Variants in ZNF273 observed in about 807,000 individuals in gnomAD.
ZNF273 encodes zinc finger protein 273, also known as zinc finger protein 9.
In ZNF273, 11 loss-of-function variants were observed where a neutral mutation model predicts 14.9. The observed-to-expected ratio is 0.74, with a 90% CI of 0.46 to 1.22. The LOEUF is 1.22. Ranked by LOEUF, ZNF273 falls within the 50% of genes most tolerant of loss-of-function variation. ZNF273 has a pLI of 0.00. For synonymous variants in ZNF273, 199 were observed against 223.9 expected, an observed-to-expected ratio of 0.89 and a Z score of 0.99; for missense variants, 577 against 660.6, an observed-to-expected ratio of 0.87 and a Z score of 1.39.
chr7:64,905,853 T>G (rs1037094418), intron 1 of ZNF273, among the ~76,000 whole-genome samples: 1 of 152,222 alleles, frequency 6.6e-6, no homozygotes, highest in Non-Finnish European at 1.5e-5. Context: ...TTCTTCACTT[T>G]TTTTGACTTC....
In ZNF273 at chr7:64,928,181, A is replaced by G. The variant is rs774544290; in HGVS notation, c.853A>G (p.Thr285Ala). Residue 285 changes from threonine (T) to alanine (A), a missense_variant, in exon 4 of 4, where the codon ACT becomes GCT. By Grantham distance (58) the Thr-to-Ala change is moderately conservative. Coordinates refer to ENST00000476120, the MANE Select transcript of ZNF273 (RefSeq NM_021148.3). ...LTLTKHKKIH[T>A]EEKPYKCEDC... ...TCTTACTAAACATAAAAAAATTCAT[A>G]CTGAAGAGAAACCTTACAAATGTGA... is the stretch of plus-strand genomic sequence containing the variant. The G allele has an allele frequency of 4.3e-6, 7 of 1,613,342 alleles. No individual in the cohort carries two copies. The highest frequency in any genetic ancestry group is 4.2e-6 in the Non-Finnish European group (5 of 1,179,756).
the ZNF273 span, among the ~76,000 whole-genome samples, chr7:64,936,886 G>A: frequency 6.6e-6 from 1 of 152,208 alleles, no homozygotes; most frequent in South Asian, 2.1e-4. Context: ...CATTGAAATA[G>A]AGAAGAAAGG....
chr7:64,889,240 C>A, downstream of ZNF273: 2 of 985,646 alleles, frequency 2.0e-6, no homozygotes, highest in Non-Finnish European at 2.4e-6. The surrounding 1 kb of genome is among the most constrained non-coding windows in gnomAD (Gnocchi z 4.2). Flanking sequence ...TGTTCCTTGG[C>A]CCCGCTCCCC....
intron 1 of ZNF273, among the ~76,000 whole-genome samples, chr7:64,904,187 C>T (rs1169362402): frequency 6.6e-6 from 1 of 152,170 alleles, no homozygotes; most frequent in African/African-American, 2.4e-5. Flanking sequence ...CTCCCGGGTT[C>T]ATGCAATTCT....
At chr7:64,916,369 G>GCAA (rs762863213) in intron 1 of ZNF273, among the ~76,000 whole-genome samples, 32,658 of 134,576 alleles carry the variant, frequency 0.24, 4,630 homozygotes, top group Admixed American at 0.31. Flanking sequence ...TACTAAAAAT[G>GCAA]TAAAAAAAAA....
intron 1 of ZNF273, among the ~76,000 whole-genome samples, chr7:64,905,850 C>G (rs1038068830): frequency 2.0e-5 from 3 of 152,064 alleles, no homozygotes; most frequent in African/African-American, 7.2e-5. Context: ...GATTTCTTCA[C>G]TTTTTTTGAC....
upstream of ZNF273, among the ~76,000 whole-genome samples, chr7:64,901,471 AC>A (rs1792709169): frequency 6.6e-6 from 1 of 152,198 alleles, no homozygotes; most frequent in Admixed American, 6.5e-5. Context: ...CCAGAGGCTG[AC>A]CATTCACTGC....
At chr7:64,898,954 C>A (rs1200663453), upstream of ZNF273, among the ~76,000 whole-genome samples, 1 of 150,010 alleles carries the variant, frequency 6.7e-6, no homozygotes, top group Admixed American at 6.6e-5. Flanking sequence ...AAAAATAAAT[C>A]TTTTGTTAAC....
At chr7:64,924,407 A>G (rs1014683719) in intron 3 of ZNF273, 1 of 152,166 alleles carries the variant, frequency 6.6e-6, no homozygotes, top group African/African-American at 2.4e-5. Context: ...ACTATAGAAA[A>G]TGGGATATTA....
At chr7:64,922,519 C>T (rs1794544370) in intron 3 of ZNF273, among the ~76,000 whole-genome samples, 1 of 151,692 alleles carries the variant, frequency 6.6e-6, no homozygotes, top group South Asian at 2.1e-4. Context: ...ATCATGTTGG[C>T]CGGGCTGGTC....
rs563057403 is a variant in ZNF273, at chr7:64,924,120, T to C, written c.326-3534T>C. The stretch of plus-strand genomic sequence containing the variant: ...GCATGCTAAAGAATGTGGTTTAATT[T>C]ACTATATATTTGTAAACTTGTTAGC... On this transcript the variant is annotated intron_variant, in intron 3 of 3. Transcript: ENST00000476120. 3 of 151,190 alleles carry C rather than the reference T, an allele frequency of 2.0e-5. No homozygotes were observed. The South Asian group carries it at 6.3e-4, about 32-fold the overall frequency. The allele number at this position is 151,190 out of a possible 1,614,324, so 9.4% of individuals were successfully genotyped here.
chr7:64,918,221 T>G lies in ZNF273; in HGVS notation c.254T>G (p.Leu85Arg), dbSNP rs1794152076. 1 of 1,567,346 alleles carries G rather than the reference T, an allele frequency of 6.4e-7. No homozygotes were observed. The highest frequency in any genetic ancestry group is 1.7e-5 in the Admixed American group (1 of 58,402). The part of the protein sequence containing the change: ...FLGIAVSKPD[L>R]ITCLEQGKEP... ...GGTATTGCTGTCTCTAAGCCAGACCTGATCACTTGTCTGGAGCAAGGAAAA... is the reference window on the plus strand; with the variant it reads ...GGTATTGCTGTCTCTAAGCCAGACCGGATCACTTGTCTGGAGCAAGGAAAA... Residue 85 changes from leucine (L) to arginine (R), a missense_variant, in exon 3 of 4, where the codon CTG (leucine) becomes CGG (arginine). Physicochemically the swap from Leu to Arg is moderately radical, Grantham distance 102. Around this residue, in one of 3 missense-constraint regions of ZNF273, gnomAD observed 162 missense variants for 203.5 expected, o/e 0.80. Transcript: ENST00000476120.
In ZNF273 at chr7:64,930,054, G is replaced by A. The variant is rs1340200890; in HGVS notation, c.*1016G>A. 1 of 152,108 alleles carries A rather than the reference G, an allele frequency of 6.6e-6. No individual in the cohort carries two copies. The highest frequency in any genetic ancestry group is 2.4e-5 in the African/African-American group (1 of 41,422). The allele number at this position is 152,108 out of a possible 1,614,324, so 9.4% of individuals were successfully genotyped here. A position where few individuals can be genotyped will look rare whatever the true frequency, so the allele number is the denominator to read the frequency against. On this transcript the variant is annotated 3_prime_UTR_variant, in exon 4 of 4. Transcript: ENST00000476120. ...AATTTTTGTGGTTTTAGTAGAGACAGGGTTTCTCCATGTTGGTCAGTCTGG... is the reference window on the plus strand; with the variant it reads ...AATTTTTGTGGTTTTAGTAGAGACAAGGTTTCTCCATGTTGGTCAGTCTGG...
downstream of ZNF273, chr7:64,889,664 C>T: frequency 1.0e-6 from 1 of 985,926 alleles, no homozygotes; most frequent in Non-Finnish European, 1.2e-6. This position sits in a 1 kb window ranked among gnomAD's most constrained non-coding sequence, Gnocchi z 4.2. Flanking sequence ...TGTTCTGGAA[C>T]CGTCGCCCTG....
Position 64,918,263 on chromosome 7 carries a change from A to G in ZNF273, c.296A>G (p.Lys99Arg). The change falls in exon 3 of 4, where the codon AAG (lysine) becomes AGG (arginine). Residue 99 changes from lysine (K) to arginine (R), a missense_variant. Lys to Arg is a conservative substitution (Grantham distance 26). This residue lies in a region of ZNF273 where 162 missense variants were observed against 203.5 expected (regional missense o/e 0.80). Transcript: ENST00000476120. ...CAAGGAAAAGAGCCCTGCAATATGAAGAGACATGCGATGGTAGCCAAACCC... is the reference window on the plus strand; with the variant it reads ...CAAGGAAAAGAGCCCTGCAATATGAGGAGACATGCGATGGTAGCCAAACCC... ...LEQGKEPCNMKRHAMVAKPPV... is the reference protein window; with the variant it reads ...LEQGKEPCNMRRHAMVAKPPV... 6.4e-7 allele frequency: 1 copy of G among 1,568,672 alleles called. No homozygotes were observed. Among genetic ancestry groups the G allele is most frequent in the Non-Finnish European group, 8.7e-7 (1 of 1,153,476 alleles).
intron 1 of ZNF273, among the ~76,000 whole-genome samples, chr7:64,914,925 C>CTTT (rs35818236): frequency 0.033 from 4,442 of 133,336 alleles, 131 homozygotes; most frequent in South Asian, 0.11. Flanking sequence ...AAAAAATGGC[C>CTTT]TTTTTTTTTT....
intron 1 of ZNF273, among the ~76,000 whole-genome samples, chr7:64,916,542 C>CAA (rs10712527): frequency 2.0e-3 from 167 of 83,400 alleles, no homozygotes; most frequent in African/African-American, 2.4e-3. Flanking sequence ...AAAACTGTCT[C>CAA]AAAAAAAAAA....
exon 1 of ZNF273, chr7:64,877,702 A>T (rs557920480): frequency 6.6e-6 from 1 of 152,420 alleles, no homozygotes; most frequent in East Asian, 1.9e-4. Flanking sequence ...TGAAGGATCC[A>T]TGGGATAGTC....
intron 1 of ZNF273, among the ~76,000 whole-genome samples, chr7:64,912,827 T>TTTTTTGTTG (rs796732800): frequency 8.7e-5 from 4 of 45,976 alleles, no homozygotes; most frequent in African/African-American, 2.5e-4. Flanking sequence ...TTCATTTTAG[T>TTTTTTGTTG]TTTTTTTTTT....
Sources: allele counts gnomAD v4.1 joint callset (sites outside exome capture counted in the v4.1 genomes callset), GRCh38; gene constraint gnomAD v4.1.1; regional missense constraint gnomAD v4.1.1; non-coding constraint Gnocchi (gnomAD v3.1); transcripts MANE v1.5; gene names NCBI Gene and HGNC (gene_info 2026-07-23, HGNC 2026-07-21).